Variants in TPTE2 observed in about 807,000 individuals in gnomAD.
The protein encoded by TPTE2 is transmembrane phosphoinositide 3-phosphatase and tensin homolog 2.
TPTE2 carries 53 observed loss-of-function variants against 78.6 expected under a neutral mutation model. The ratio of observed to expected loss-of-function variants is 0.67; its 90% CI spans 0.54 to 0.85. TPTE2 has a LOEUF of 0.85. Among genes scored for constraint, TPTE2 ranks in the 40% least tolerant of loss-of-function variants. TPTE2 has a pLI of 0.00. For missense variants in TPTE2, 461 were observed against 623.0 expected (o/e 0.74, Z 2.77); for synonymous variants, 175 against 206.2 (o/e 0.85, Z 1.30).
intron 4 of TPTE2, among the ~76,000 whole-genome samples, chr13:19,477,476 C>A (rs1880040741): frequency 6.6e-6 from 1 of 152,186 alleles, no homozygotes; most frequent in African/African-American, 2.4e-5. Flanking sequence ...GGACCCACCA[C>A]CTCCGCCCAG....
At chr13:19,553,339 G>T in the TPTE2 span, among the ~76,000 whole-genome samples, 10 of 152,152 alleles carry the variant, frequency 6.6e-5, no homozygotes, top group African/African-American at 2.2e-4. Context: ...AGTTACTGCT[G>T]CTGGGAAAGT....
chr13:19,531,177 T>C (rs371262490), intron 1 of TPTE2, among the ~76,000 whole-genome samples: 2 of 152,192 alleles, frequency 1.3e-5, no homozygotes, highest in African/African-American at 4.8e-5. Context: ...TATATAAGAA[T>C]TGTACTTCTT....
chr13:19,489,593 GAT>G (rs1184538988), intron 3 of TPTE2, among the ~76,000 whole-genome samples: 4 of 148,716 alleles, frequency 2.7e-5, no homozygotes, highest in Admixed American at 2.0e-4. Context: ...TGTATATATA[GAT>G]ATATATATAC....
At chr13:19,494,299 G>C (rs1478998467) in intron 1 of TPTE2, among the ~76,000 whole-genome samples, 4 of 152,208 alleles carry the variant, frequency 2.6e-5, no homozygotes, top group Non-Finnish European at 5.9e-5. Flanking sequence ...TAAAGAACCT[G>C]TGTCAAAGAA....
At chr13:19,555,799 A>ATTTT in the TPTE2 span, among the ~76,000 whole-genome samples, 2 of 114,216 alleles carry the variant, frequency 1.8e-5, no homozygotes, top group African/African-American at 7.1e-5. Flanking sequence ...ACAACAACAA[A>ATTTT]TTTCTTTTTT....
At chr13:19,434,024 C>T (rs915779946) in intron 15 of TPTE2, among the ~76,000 whole-genome samples, 14 of 152,208 alleles carry the variant, frequency 9.2e-5, no homozygotes, top group Non-Finnish European at 1.5e-5. Context: ...TGTGCTCCCA[C>T]GCTTCCTTCT....
chr13:19,454,464 C>G (rs1878409239), intron 10 of TPTE2, among the ~76,000 whole-genome samples: 1 of 152,180 alleles, frequency 6.6e-6, no homozygotes, highest in Non-Finnish European at 1.5e-5. Context: ...TGGCCTGATT[C>G]CCAGCCTGCC....
At chr13:19,437,688 G>T (rs1374292563) in intron 14 of TPTE2, among the ~76,000 whole-genome samples, 3 of 152,108 alleles carry the variant, frequency 2.0e-5, no homozygotes, top group Non-Finnish European at 4.4e-5. Context: ...GTTTTTTTCT[G>T]TGTAACATGA....
intron 1 of TPTE2, among the ~76,000 whole-genome samples, chr13:19,528,055 A>G (rs1870620677): frequency 6.6e-6 from 1 of 152,154 alleles, no homozygotes; most frequent in East Asian, 1.9e-4. Flanking sequence ...GCAGTAAGTC[A>G]CAGGCCAAAT....
chr13:19,521,342 C>G (rs560139671), intron 1 of TPTE2, among the ~76,000 whole-genome samples: 2 of 72,434 alleles, frequency 2.8e-5, no homozygotes, highest in East Asian at 9.7e-4. Context: ...AAAATTTTTG[C>G]CTTTAAGTCT....
chr13:19,537,438 A>G (rs796599291), upstream of TPTE2, among the ~76,000 whole-genome samples: 2 of 151,516 alleles, frequency 1.3e-5, no homozygotes, highest in South Asian at 2.1e-4. Flanking sequence ...TCACCTTGTT[A>G]GCCAGGCTGG....
intron 1 of TPTE2, among the ~76,000 whole-genome samples, chr13:19,524,959 C>T (rs926242432): frequency 6.6e-6 from 1 of 152,138 alleles, no homozygotes; most frequent in East Asian, 1.9e-4. Flanking sequence ...TTAAGAAGTA[C>T]AGACATTATT....
At chr13:19,495,777 G>A (rs577906043) in intron 1 of TPTE2, among the ~76,000 whole-genome samples, 15 of 152,326 alleles carry the variant, frequency 9.8e-5, no homozygotes, top group African/African-American at 2.9e-4. Flanking sequence ...CATGTACATA[G>A]TAAGACAACA....
chr13:19,492,849 C>G lies in TPTE2; in HGVS notation c.119+1G>C, dbSNP rs150812023. ...TGTGTCTTCATGTATTTATAACTCA[C>G]CTTTTACTGATAGGTGACACCAGGG... On this transcript the variant is annotated splice_donor_variant, in intron 3 of 19. Transcript: ENST00000400230. LOFTEE classifies it high-confidence loss of function. The G allele has an allele frequency of 4.3e-6, 7 of 1,613,872 alleles. No individual in the cohort carries two copies. Among genetic ancestry groups the G allele is most frequent in the East Asian group, 2.2e-5 (1 of 44,870 alleles).
intron 13 of TPTE2, among the ~76,000 whole-genome samples, chr13:19,442,087 T>C (rs1461763176): frequency 6.6e-6 from 1 of 152,128 alleles, no homozygotes; most frequent in Non-Finnish European, 1.5e-5. Context: ...ATAAAATAGA[T>C]GTACATAGAA....
At chr13:19,505,153 CT>C (rs1354069561), upstream of TPTE2, among the ~76,000 whole-genome samples, 5 of 151,670 alleles carry the variant, frequency 3.3e-5, no homozygotes, top group Non-Finnish European at 7.4e-5. Context: ...TAGATGTATC[CT>C]TTTTTTTAGG....
chr13:19,530,742 C>T (rs1330363137), intron 1 of TPTE2, among the ~76,000 whole-genome samples: 1 of 152,014 alleles, frequency 6.6e-6, no homozygotes, highest in East Asian at 1.9e-4. Flanking sequence ...CCAGGCTGGT[C>T]TCAAACTCCT....
chr13:19,517,146 T>C (rs764973350), intron 1 of TPTE2, among the ~76,000 whole-genome samples: 1 of 152,202 alleles, frequency 6.6e-6, no homozygotes, highest in South Asian at 2.1e-4. Context: ...CCAGCGCCAC[T>C]GCCAGTCAGA....
intron 1 of TPTE2, among the ~76,000 whole-genome samples, chr13:19,500,925 C>T (rs1316789970): frequency 6.9e-6 from 1 of 144,618 alleles, no homozygotes; most frequent in African/African-American, 2.6e-5. Context: ...CCAAAATCTC[C>T]TTAAGCTGAT....
Sources: gnomAD v4.1 joint callset for allele counts (sites outside exome capture counted in the v4.1 genomes callset) on GRCh38, gnomAD v4.1.1 for gene constraint, MANE v1.5 for transcripts, NCBI Gene and HGNC (gene_info 2026-07-23, HGNC 2026-07-21) for gene names.